The following CNTN4 variants were observed in gnomAD, a reference collection of about 807,000 sequenced individuals.
CNTN4 encodes contactin 4.
A neutral mutation model predicts 122.5 loss-of-function variants in CNTN4; 77 were observed. The ratio of observed to expected loss-of-function variants is 0.63; its 90% CI spans 0.52 to 0.76. The LOEUF (loss-of-function observed/expected upper bound fraction) is 0.76, where lower values mean the gene tolerates loss of function less well. CNTN4 is among the 30% of genes least tolerant of loss of function. The probability of loss-of-function intolerance (pLI) is 0.00; values close to 1 mark genes in which losing one functional copy is unlikely to be tolerated. For missense variants in CNTN4, 1,256 were observed against 1,259.1 expected, an observed-to-expected ratio of 1.00 and a Z score of 0.04; for synonymous variants, 512 against 447.0, an observed-to-expected ratio of 1.15 and a Z score of -1.83.
chr3:2,717,075 C>T (rs2087538895), intron 4 of CNTN4, among the ~76,000 whole-genome samples: 1 of 152,100 alleles, frequency 6.6e-6, no homozygotes, highest in South Asian at 2.1e-4. Context: ...GCTATGAACA[C>T]TTGTGTAAAA....
intron 13 of CNTN4, among the ~76,000 whole-genome samples, chr3:2,967,527 A>C (rs1445099868): frequency 6.6e-6 from 1 of 152,022 alleles, no homozygotes; most frequent in East Asian, 1.9e-4. Flanking sequence ...CTTTGTTTTA[A>C]ACTATAAACT....
At chr3:2,260,498 T>C (rs985531910) in intron 2 of CNTN4, among the ~76,000 whole-genome samples, 1 of 152,044 alleles carries the variant, frequency 6.6e-6, no homozygotes, top group African/African-American at 2.4e-5. Flanking sequence ...AAAAAATCAT[T>C]GTGGCAGATG....
chr3:2,764,560 T>C (rs970643950), intron 6 of CNTN4, among the ~76,000 whole-genome samples: 6 of 152,132 alleles, frequency 3.9e-5, no homozygotes, highest in Non-Finnish European at 5.9e-5. Flanking sequence ...TTGTCCTGCA[T>C]TTTAGCTCAA....
intron 3 of CNTN4, among the ~76,000 whole-genome samples, chr3:2,380,040 A>C (rs935770207): frequency 2.1e-5 from 3 of 141,426 alleles, no homozygotes; most frequent in African/African-American, 8.2e-5. Context: ...TTGGTCAACA[A>C]GAGTGAAACT....
chr3:2,751,090 A>G (rs992265281), intron 6 of CNTN4, among the ~76,000 whole-genome samples: 1 of 152,102 alleles, frequency 6.6e-6, no homozygotes, highest in African/African-American at 2.4e-5. Context: ...TCACGAGGTC[A>G]GGAGATTGAG....
chr3:2,101,833 T>A (rs2031989895), intron 2 of CNTN4, among the ~76,000 whole-genome samples: 2 of 152,214 alleles, frequency 1.3e-5, no homozygotes, highest in South Asian at 4.1e-4. Flanking sequence ...TGTATCCCGG[T>A]GGATCATTTT....
intron 4 of CNTN4, among the ~76,000 whole-genome samples, chr3:2,693,087 T>C (rs2085831573): frequency 6.6e-6 from 1 of 152,206 alleles, no homozygotes; most frequent in Non-Finnish European, 1.5e-5. Flanking sequence ...ACCTTTATTT[T>C]TGATACATTG....
At chr3:2,577,339 A>G (rs772224718) in intron 4 of CNTN4, among the ~76,000 whole-genome samples, 5 of 152,184 alleles carry the variant, frequency 3.3e-5, no homozygotes, top group Non-Finnish European at 7.3e-5. Context: ...TGTATGTATT[A>G]ATAGATCTAT....
chr3:2,681,259 A>T (rs528017701), intron 4 of CNTN4, among the ~76,000 whole-genome samples: 13 of 152,314 alleles, frequency 8.5e-5, no homozygotes, highest in Admixed American at 7.2e-4. Flanking sequence ...TTGCCAAAAC[A>T]TGGCACATAA....
At chr3:2,225,366 T>G (rs2039240556) in intron 2 of CNTN4, among the ~76,000 whole-genome samples, 1 of 151,024 alleles carries the variant, frequency 6.6e-6, no homozygotes, top group Non-Finnish European at 1.5e-5. Flanking sequence ...TACAAAAAAG[T>G]AGCCGGGTGT....
intron 2 of CNTN4, among the ~76,000 whole-genome samples, chr3:2,103,946 G>A (rs1372771967): frequency 6.6e-6 from 1 of 152,160 alleles, no homozygotes. Context: ...TCAATAGTAA[G>A]CGTATACTTT....
At chr3:2,421,237 C>T (rs1455319363) in intron 3 of CNTN4, among the ~76,000 whole-genome samples, 1 of 140,836 alleles carries the variant, frequency 7.1e-6, no homozygotes, top group African/African-American at 2.6e-5. Context: ...GGGTGGGTAC[C>T]CTTCAGGGGG....
chr3:2,919,388 G>A (rs1030768238), intron 12 of CNTN4, among the ~76,000 whole-genome samples: 2 of 145,536 alleles, frequency 1.4e-5, no homozygotes, highest in Non-Finnish European at 3.0e-5. Flanking sequence ...CCAGATCGTT[G>A]CTTTTTAAAA....
chr3:2,485,670 A>C (rs1430679003), intron 3 of CNTN4, among the ~76,000 whole-genome samples: 1 of 152,110 alleles, frequency 6.6e-6, no homozygotes, highest in Non-Finnish European at 1.5e-5. Flanking sequence ...TAAATACACC[A>C]ATCAGCACTC....
At chr3:2,477,192 T>C (rs559939402) in intron 3 of CNTN4, among the ~76,000 whole-genome samples, 3 of 152,204 alleles carry the variant, frequency 2.0e-5, no homozygotes, top group Non-Finnish European at 4.4e-5. Flanking sequence ...CTTGTTCTTA[T>C]AAGAAATGTT....
intron 4 of CNTN4, among the ~76,000 whole-genome samples, chr3:2,585,685 G>C: frequency 7.8e-6 from 1 of 128,288 alleles, no homozygotes; most frequent in Non-Finnish European, 1.6e-5. Context: ...ACCGGGGCCT[G>C]TTGTGGGGTG....
At chr3:2,327,242 A>G (rs999522843) in intron 2 of CNTN4, among the ~76,000 whole-genome samples, 2 of 152,102 alleles carry the variant, frequency 1.3e-5, no homozygotes, top group African/African-American at 4.8e-5. Flanking sequence ...TGCATTCTTC[A>G]TGTATTTGTG....
intron 2 of CNTN4, among the ~76,000 whole-genome samples, chr3:2,329,793 T>C (rs2043641668): frequency 6.6e-6 from 1 of 151,996 alleles, no homozygotes; most frequent in African/African-American, 2.4e-5. Flanking sequence ...AAGCACTTAA[T>C]AAGCATTAAT....
At chr3:2,449,029 G>T (rs558985437) in intron 3 of CNTN4, among the ~76,000 whole-genome samples, 1 of 151,940 alleles carries the variant, frequency 6.6e-6, no homozygotes. Flanking sequence ...CCATAAAAAA[G>T]GTCACAGTTT....
Sources: allele counts gnomAD v4.1 joint callset (sites outside exome capture counted in the v4.1 genomes callset), GRCh38; gene constraint gnomAD v4.1.1; transcripts MANE v1.5; gene names NCBI Gene and HGNC (gene_info 2026-07-23, HGNC 2026-07-21).